The following PHACTR3 variants were observed in gnomAD, a reference collection of about 807,000 sequenced individuals.
PHACTR3 encodes the protein protein phosphatase 1, regulatory subunit 123.
In PHACTR3, 16 loss-of-function variants were observed where a neutral mutation model predicts 66.8. The observed-to-expected ratio is 0.24, with a 90% CI of 0.16 to 0.36. The LOEUF is 0.36. Ranked by LOEUF, PHACTR3 falls within the 10% of genes least tolerant of loss-of-function variation. The probability of loss-of-function intolerance (pLI) is 1.00; values close to 1 mark genes in which losing one functional copy is unlikely to be tolerated. For missense variants in PHACTR3, 647 were observed against 719.9 expected (o/e 0.90, Z 1.16); for synonymous variants, 323 against 292.1 (o/e 1.11, Z -1.08).
chr20:59,771,140 C>T (rs1169390260), intron 5 of PHACTR3, among the ~76,000 whole-genome samples: 1 of 152,180 alleles, frequency 6.6e-6, no homozygotes, highest in East Asian at 1.9e-4. Flanking sequence ...TGGGTGGGAT[C>T]CCAGCTCCAC....
intron 8 of PHACTR3, among the ~76,000 whole-genome samples, chr20:59,815,713 A>G (rs2041868970): frequency 6.6e-6 from 1 of 152,092 alleles, no homozygotes; most frequent in African/African-American, 2.4e-5. Context: ...GTAAGCCACC[A>G]CGCCTGGCTT....
upstream of PHACTR3, among the ~76,000 whole-genome samples, chr20:59,602,097 G>GTC (rs1254445338): frequency 6.6e-6 from 1 of 152,190 alleles, no homozygotes; most frequent in Admixed American, 6.5e-5. Context: ...TAAGGAGGAT[G>GTC]TCTCTATTCG....
intron 11 of PHACTR3, 167 bp from the exon 12 acceptor site, chr20:59,845,022 A>G: frequency 1.9e-6 from 1 of 523,826 alleles, no homozygotes; most frequent in Non-Finnish European, 3.5e-6. Context: ...TAGGACTATA[A>G]TAATGAGTAT....
At chr20:59,670,610 G>GGGGA (rs1555810019) in intron 1 of PHACTR3, among the ~76,000 whole-genome samples, 58 of 137,148 alleles carry the variant, frequency 4.2e-4, no homozygotes, top group Admixed American at 1.5e-4. Context: ...GGGGGTGGGG[G>GGGGA]GGGGGGGCAG....
rs145716174 is a variant in PHACTR3 at position 59,655,636 on chromosome 20, T to G, written c.118+50504T>G. Among the ~76,000 whole-genome samples the G allele has an allele frequency of 9.1e-3, 1,386 of 152,050 alleles. 27 individuals are homozygous for G. The highest frequency in any genetic ancestry group is 0.031 in the African/African-American group (1,304 of 41,548). On this transcript the variant is annotated intron_variant, in intron 1 of 12. Coordinates refer to ENST00000371015, the MANE Select transcript of PHACTR3 (RefSeq NM_080672.5). The stretch of plus-strand genomic sequence containing the variant: ...ATTGATTTTCTCTGTTGTTTTTCTA[T>G]TCTCTATTTCATTAATTTCTGCCCT...
intron 11 of PHACTR3, chr20:59,844,478 G>A (rs1355346508): frequency 4.6e-5 from 7 of 152,080 alleles, no homozygotes; most frequent in Non-Finnish European, 1.0e-4. Context: ...TGAATACAGT[G>A]TGTATACACA....
At chr20:59,652,776 C>T (rs1159656231) in intron 1 of PHACTR3, among the ~76,000 whole-genome samples, 1 of 151,830 alleles carries the variant, frequency 6.6e-6, no homozygotes, top group Non-Finnish European at 1.5e-5. Context: ...TCCATAATAT[C>T]ATTTAATCTG....
At chr20:59,695,034 C>G (rs2037245664) in intron 1 of PHACTR3, among the ~76,000 whole-genome samples, 1 of 152,030 alleles carries the variant, frequency 6.6e-6, no homozygotes, top group South Asian at 2.1e-4. Flanking sequence ...TCATAATTCC[C>G]CCAAGGATGT....
At chr20:59,844,760 C>CTATAGCAGAG (rs1347077372) in intron 11 of PHACTR3, 1 of 152,476 alleles carries the variant, frequency 6.6e-6, no homozygotes, top group Admixed American at 6.5e-5. Context: ...TTCTAATGTT[C>CTATAGCAGAG]TATAGCAGAG....
chr20:59,768,416 C>T (rs2040254144), intron 5 of PHACTR3, among the ~76,000 whole-genome samples: 2 of 152,196 alleles, frequency 1.3e-5, no homozygotes, highest in African/African-American at 4.8e-5. Context: ...CACGAGGTGC[C>T]CCATTTATGG....
chr20:59,622,467 C>T (rs1460020206), intron 1 of PHACTR3, among the ~76,000 whole-genome samples: 1 of 152,162 alleles, frequency 6.6e-6, no homozygotes, highest in Non-Finnish European at 1.5e-5. Flanking sequence ...CTGTAATTTA[C>T]CTACTGGTAA....
rs1376328383 is a variant in PHACTR3 at position 59,774,237 on chromosome 20, G to A, written c.927-6G>A. On this transcript the variant is annotated splice_region_variant and splice_polypyrimidine_tract_variant and intron_variant, in intron 6 of 12. Transcript: ENST00000371015. Reference sequence around the variant, plus strand: ...ACCTATAACCTGAACCATCTTTCTGGTTTAGTTTTCAAGGAAGAGAAAGTA... The same window carrying A: ...ACCTATAACCTGAACCATCTTTCTGATTTAGTTTTCAAGGAAGAGAAAGTA... 8.9e-6 allele frequency: 14 copies of A among 1,573,956 alleles called. No homozygotes were observed. The highest frequency in any genetic ancestry group is 2.7e-5 in the African/African-American group (2 of 73,096).
intron 1 of PHACTR3, among the ~76,000 whole-genome samples, chr20:59,614,079 A>G (rs2033946072): frequency 6.6e-6 from 1 of 152,214 alleles, no homozygotes; most frequent in African/African-American, 2.4e-5. Context: ...CATTTATATA[A>G]AGGGGAAGCT....
intron 1 of PHACTR3, among the ~76,000 whole-genome samples, chr20:59,689,829 C>G (rs1292148976): frequency 6.6e-6 from 1 of 152,138 alleles, no homozygotes; most frequent in Non-Finnish European, 1.5e-5. Flanking sequence ...CCTGGCATCT[C>G]CAGCCTTCAG....
At chr20:59,620,437 A>G (rs1477317473) in intron 1 of PHACTR3, among the ~76,000 whole-genome samples, 1 of 152,208 alleles carries the variant, frequency 6.6e-6, no homozygotes, top group African/African-American at 2.4e-5. Flanking sequence ...CGCGGCCAGC[A>G]TGTCTCCTTA....
chr20:59,822,366 G>C (rs1410368051), intron 8 of PHACTR3, among the ~76,000 whole-genome samples: 7 of 147,612 alleles, frequency 4.7e-5, no homozygotes, highest in African/African-American at 1.3e-4. Flanking sequence ...GCCTAGGATG[G>C]GGGGAAGAAC....
chr20:59,805,932 CTG>C (rs1026833439), intron 7 of PHACTR3, 107 bp from the exon 8 acceptor site: 152 of 1,205,344 alleles, frequency 1.3e-4, no homozygotes, highest in Middle Eastern at 2.5e-4. Flanking sequence ...TCACCCTGGT[CTG>C]GAGTCCTTCC....
intron 1 of PHACTR3, among the ~76,000 whole-genome samples, chr20:59,712,281 G>C (rs115467447): frequency 1.9e-3 from 285 of 152,244 alleles, no homozygotes; most frequent in African/African-American, 6.4e-3. Flanking sequence ...GCTATGCGTT[G>C]CATTGTTGAG....
intron 10 of PHACTR3, 139 bp from the exon 11 acceptor site, chr20:59,841,256 C>A: frequency 1.3e-6 from 1 of 761,422 alleles, no homozygotes; most frequent in Non-Finnish European, 2.1e-6. Context: ...TTAGAGATTG[C>A]TTGTATTTGG....
Sources: allele counts gnomAD v4.1 joint callset (sites outside exome capture counted in the v4.1 genomes callset), GRCh38; gene constraint gnomAD v4.1.1; transcripts MANE v1.5; gene names NCBI Gene and HGNC (gene_info 2026-07-23, HGNC 2026-07-21).